SPOPL: variants seen among roughly 807,000 people sequenced by gnomAD.
SPOPL encodes the protein speckle-type POZ protein-like.
In SPOPL, 23 loss-of-function variants were observed where a neutral mutation model predicts 53.8. The ratio of observed to expected loss-of-function variants is 0.43; its 90% confidence interval spans 0.31 to 0.61. SPOPL has a LOEUF of 0.61. Among genes scored for constraint, SPOPL ranks in the 20% least tolerant of loss-of-function variants. The pLI is 0.12. For synonymous variants in SPOPL, 164 were observed against 149.7 expected (o/e 1.10, Z -0.70); for missense variants, 442 against 466.9 (o/e 0.95, Z 0.49).
At chr2:138,534,630 C>A (rs1436595727) in intron 1 of SPOPL, among the ~76,000 whole-genome samples, 42 of 152,076 alleles carry the variant, frequency 2.8e-4, no homozygotes. Flanking sequence ...TAAAATCTAT[C>A]ATTTTTACTT....
At chr2:138,558,968 A>T in intron 5 of SPOPL, 54 bp from the exon 6 acceptor site, 2 of 1,455,978 alleles carry the variant, frequency 1.4e-6, no homozygotes, top group Non-Finnish European at 1.8e-6. Context: ...GACTTAAACT[A>T]ATTACTGATA....
chr2:138,523,446 G>T (rs1031599734), intron 1 of SPOPL, among the ~76,000 whole-genome samples: 1 of 152,018 alleles, frequency 6.6e-6, no homozygotes, highest in Admixed American at 6.6e-5. Flanking sequence ...CTCAAATCTC[G>T]TATCTTCACA....
chr2:138,565,908 G>A (rs1258195791), intron 10 of SPOPL, among the ~76,000 whole-genome samples: 2 of 151,802 alleles, frequency 1.3e-5, no homozygotes, highest in African/African-American at 4.8e-5. Context: ...TCATTTTTTT[G>A]TATTTTTAGC....
intron 10 of SPOPL, among the ~76,000 whole-genome samples, chr2:138,565,259 A>G (rs962629445): frequency 7.9e-5 from 12 of 152,198 alleles, no homozygotes; most frequent in African/African-American, 2.9e-4. Flanking sequence ...AGGTATTGCT[A>G]GAGATCTAGT....
At chr2:138,543,245 G>A (rs1685115499) in intron 1 of SPOPL, among the ~76,000 whole-genome samples, 1 of 152,060 alleles carries the variant, frequency 6.6e-6, no homozygotes. Flanking sequence ...GTATCTTTGT[G>A]GCATTCTCTG....
chr2:138,528,966 A>G (rs1308564497), intron 1 of SPOPL, among the ~76,000 whole-genome samples: 1 of 152,056 alleles, frequency 6.6e-6, no homozygotes, highest in Non-Finnish European at 1.5e-5. Context: ...CATATTGAAA[A>G]CCTTTAGAAA....
At chr2:138,508,675 T>C (rs1558859759) in intron 1 of SPOPL, among the ~76,000 whole-genome samples, 1 of 152,128 alleles carries the variant, frequency 6.6e-6, no homozygotes, top group Non-Finnish European at 1.5e-5. Context: ...CTAGAAGACA[T>C]CCAGTTTATT....
chr2:138,558,674 A>G (rs1007513615), intron 5 of SPOPL, among the ~76,000 whole-genome samples: 1 of 151,968 alleles, frequency 6.6e-6, no homozygotes, highest in African/African-American at 2.4e-5. Flanking sequence ...AATAAAAAAA[A>G]TTTTTTTCTC....
chr2:138,551,170 G>C (rs2104892395), intron 4 of SPOPL, 116 bp downstream of exon 4: 2 of 1,159,600 alleles, frequency 1.7e-6, no homozygotes, highest in East Asian at 2.5e-5. Context: ...TGCTTAACCT[G>C]AAACTTTTAA....
At chr2:138,525,656 G>GAAAAAAAAAAA (rs71406327) in intron 1 of SPOPL, among the ~76,000 whole-genome samples, 1 of 30,010 alleles carries the variant, frequency 3.3e-5, no homozygotes, top group Non-Finnish European at 9.3e-5. Context: ...ATAAAAAGTA[G>GAAAAAAAAAAA]AAAAAAAAAA....
At chr2:138,534,207 T>C (rs1033290007) in intron 1 of SPOPL, among the ~76,000 whole-genome samples, 7 of 152,188 alleles carry the variant, frequency 4.6e-5, no homozygotes, top group Admixed American at 2.0e-4. Flanking sequence ...AGGTGTTTTA[T>C]AGAGTTGACC....
In SPOPL at chr2:138,565,399, G is replaced by A. The variant is rs1311130697; in HGVS notation, c.1034+406G>A. On this transcript the variant is annotated intron_variant, in intron 10 of 10. Transcript: ENST00000280098. Reference sequence around the variant, plus strand: ...GGCTGACTCACTGCTTCTTAGGTTAGCCAGGTACCTTGAGTAATATGCTAT... The same window carrying A: ...GGCTGACTCACTGCTTCTTAGGTTAACCAGGTACCTTGAGTAATATGCTAT... Among the ~76,000 whole-genome samples the A allele has an allele frequency of 4.6e-5, 7 of 152,192 alleles. No homozygotes were observed. The East Asian group carries it at 1.3e-3, about 29-fold the overall frequency.
At chr2:138,544,814 T>A (rs905658928) in intron 1 of SPOPL, among the ~76,000 whole-genome samples, 7 of 152,246 alleles carry the variant, frequency 4.6e-5, no homozygotes, top group Non-Finnish European at 8.8e-5. Context: ...ATCACCCATC[T>A]TCTGCGTCGC....
At chr2:138,559,419 G>GAGAACATTGTACTATTACT in intron 7 of SPOPL, 82 bp downstream of exon 7, 1 of 1,385,566 alleles carries the variant, frequency 7.2e-7, no homozygotes, top group Non-Finnish European at 9.7e-7. Flanking sequence ...ATAGTACAAT[G>GAGAACATTGTACTATTACT]TTCTCATTGT....
intron 1 of SPOPL, among the ~76,000 whole-genome samples, chr2:138,524,714 A>G (rs753282489): frequency 7.9e-5 from 12 of 152,198 alleles, no homozygotes; most frequent in Non-Finnish European, 1.5e-4. Context: ...CTAAAACGTA[A>G]CAAGACCCAC....
intron 1 of SPOPL, among the ~76,000 whole-genome samples, chr2:138,525,655 A>AG (rs1382386385): frequency 6.4e-4 from 58 of 90,466 alleles, no homozygotes; most frequent in African/African-American, 2.4e-3. Flanking sequence ...TATAAAAAGT[A>AG]GAAAAAAAAA....
intron 1 of SPOPL, among the ~76,000 whole-genome samples, chr2:138,541,614 A>G (rs1378285507): frequency 1.3e-5 from 2 of 151,888 alleles, no homozygotes; most frequent in Admixed American, 6.6e-5. Context: ...TATTGTGTCT[A>G]TTTGATTCTT....
intron 1 of SPOPL, among the ~76,000 whole-genome samples, chr2:138,518,794 C>G (rs932273225): frequency 2.0e-5 from 3 of 152,132 alleles, no homozygotes; most frequent in African/African-American, 7.2e-5. Flanking sequence ...TGATGGAGAG[C>G]CAAGCAATTA....
chr2:138,539,708 C>T (rs992905580), intron 1 of SPOPL, among the ~76,000 whole-genome samples: 8 of 152,158 alleles, frequency 5.3e-5, no homozygotes, highest in African/African-American at 1.7e-4. Context: ...GTTGCCTGTT[C>T]ACTCTGATGG....
Sources: gnomAD v4.1 joint callset for allele counts (sites outside exome capture counted in the v4.1 genomes callset) on GRCh38, gnomAD v4.1.1 for gene constraint, MANE v1.5 for transcripts, NCBI Gene and HGNC (gene_info 2026-07-23, HGNC 2026-07-21) for gene names.